Variants in SEC61A2 observed in about 807,000 individuals in gnomAD.
SEC61A2 encodes SEC61 translocon subunit alpha 2.
In SEC61A2, 28 loss-of-function variants were observed where a neutral mutation model predicts 59.9. The observed-to-expected ratio is 0.47, with a 90% confidence interval of 0.35 to 0.64. SEC61A2 has a LOEUF of 0.64. Among genes scored for constraint, SEC61A2 ranks in the 30% least tolerant of loss-of-function variants. SEC61A2 has a pLI of 0.01. For synonymous variants in SEC61A2, 202 were observed against 214.4 expected (o/e 0.94, Z 0.50); for missense variants, 340 against 585.9 (o/e 0.58, Z 4.33).
chr10:12,143,084 C>A lies in SEC61A2; in HGVS notation c.142-33C>A. The A allele has an allele frequency of 6.6e-7, 1 of 1,522,770 alleles. No homozygotes were observed. Among genetic ancestry groups the A allele is most frequent in the Non-Finnish European group, 9.1e-7 (1 of 1,097,080 alleles). 94.3% of individuals were successfully genotyped at this position (1,522,770 alleles called of 1,614,324 possible). ...TCTTATGCCTCAGCCTTATATAATA[C>A]AGTTTCATAAACTATTTTGTGTACT... On this transcript the variant is annotated intron_variant, in intron 3 of 11. Transcript: ENST00000298428. This position sits in a 1 kb window ranked among gnomAD's most constrained non-coding sequence, Gnocchi z 4.8.
intron 3 of SEC61A2, among the ~76,000 whole-genome samples, chr10:12,140,224 C>G (rs1833987230): frequency 6.6e-6 from 1 of 152,150 alleles, no homozygotes; most frequent in Non-Finnish European, 1.5e-5. Flanking sequence ...TAAATATCCT[C>G]TAAGGTCATT....
intron 2 of SEC61A2, among the ~76,000 whole-genome samples, chr10:12,135,731 G>T (rs968587532): frequency 6.6e-6 from 1 of 152,146 alleles, no homozygotes; most frequent in African/African-American, 2.4e-5. Context: ...TTCCACTTCT[G>T]AGTTGTTTCA....
At chr10:12,147,418 C>T (rs978736708) in intron 4 of SEC61A2, among the ~76,000 whole-genome samples, 2 of 152,174 alleles carry the variant, frequency 1.3e-5, no homozygotes, top group East Asian at 1.9e-4. Flanking sequence ...GGCACAGTGG[C>T]TCATGCCTGT....
At chr10:12,167,985 A>C, downstream of SEC61A2, 1 of 1,224,974 alleles carries the variant, frequency 8.2e-7, no homozygotes, top group Non-Finnish European at 1.1e-6. Flanking sequence ...TATAAAGGCA[A>C]GATTACATTC....
intron 3 of SEC61A2, among the ~76,000 whole-genome samples, chr10:12,140,547 G>C (rs1202192051): frequency 6.6e-6 from 1 of 152,200 alleles, no homozygotes; most frequent in Non-Finnish European, 1.5e-5. Flanking sequence ...CCCACAGAGC[G>C]CCTAACCATG....
chr10:12,157,893 C>T lies in SEC61A2; in HGVS notation c.778-15C>T, dbSNP rs770255996. On this transcript the variant is annotated splice_polypyrimidine_tract_variant and intron_variant, in intron 8 of 11. Coordinates refer to ENST00000298428, the MANE Select transcript of SEC61A2 (RefSeq NM_018144.4). The stretch of plus-strand genomic sequence containing the variant: ...GTGTCTGGCTCCCCCACTTACTCTC[C>T]GTTTCCTTTTTTAGGGATTTCGCGT... 14 of 1,613,226 alleles carry T rather than the reference C, an allele frequency of 8.7e-6. No individual in the cohort carries two copies. The highest frequency in any genetic ancestry group is 3.3e-4 in the Middle Eastern group (2 of 6,084).
intron 4 of SEC61A2, among the ~76,000 whole-genome samples, chr10:12,144,483 C>G (rs1834094490): frequency 6.6e-6 from 1 of 152,172 alleles, no homozygotes; most frequent in Non-Finnish European, 1.5e-5. Context: ...ATCATTCATT[C>G]AACAAATACT....
Position 12,149,555 on chromosome 10 carries a change from T to A in SEC61A2, c.221-40T>A. On this transcript the variant is annotated intron_variant, in intron 4 of 11. Coordinates refer to ENST00000298428, the MANE Select transcript of SEC61A2 (RefSeq NM_018144.4). This position sits in a 1 kb window ranked among gnomAD's most constrained non-coding sequence, Gnocchi z 5.2. ...CACCTCTAAATCAGTTTGTATCGTGTACAGCAAACATTGCACACTTCTCTC... is the reference window on the plus strand; with the variant it reads ...CACCTCTAAATCAGTTTGTATCGTGAACAGCAAACATTGCACACTTCTCTC... 1 of 1,562,034 alleles carries A rather than the reference T, an allele frequency of 6.4e-7. No homozygotes were observed.
chr10:12,167,961 TAAAGAATA>T (rs1471653739), downstream of SEC61A2: 1 of 1,358,032 alleles, frequency 7.4e-7, no homozygotes, highest in Non-Finnish European at 9.6e-7. Flanking sequence ...ATAAGGATCT[TAAAGAATA>T]AAGACTATAA....
chr10:12,169,512 G>A (rs1013644243), downstream of SEC61A2: 5 of 531,824 alleles, frequency 9.4e-6, no homozygotes, highest in East Asian at 9.5e-5. The surrounding 1 kb of genome is among the most constrained non-coding windows in gnomAD (Gnocchi z 4.8). Flanking sequence ...CTGTGACTCC[G>A]AGCTGCGCTG....
chr10:12,157,920 G>T lies in SEC61A2; in HGVS notation c.790G>T (p.Asp264Tyr). ...VVIYFQGFRV[D>Y]LPIKSARYRG... Reference sequence around the variant, plus strand: ...TTTCCTTTTTTAGGGATTTCGCGTTGATCTGCCCATTAAGTCGGCCCGTTA... The same window carrying T: ...TTTCCTTTTTTAGGGATTTCGCGTTTATCTGCCCATTAAGTCGGCCCGTTA... The change falls in exon 9 of 12, where the codon GAT (aspartate) becomes TAT (tyrosine). Residue 264 changes from aspartate (D) to tyrosine (Y), a missense_variant. Around this residue, in one of 3 missense-constraint regions of SEC61A2, gnomAD observed 283 missense variants for 483.2 expected, o/e 0.59. Transcript: ENST00000298428. 1 of 1,613,980 alleles carries T rather than the reference G, an allele frequency of 6.2e-7. No individual in the cohort carries two copies. The highest frequency in any genetic ancestry group is 8.5e-7 in the Non-Finnish European group (1 of 1,180,016).
At position 12,158,891 on chromosome 10, in the gene SEC61A2, A is replaced by G. The variant is rs560705087; in HGVS notation, c.975+786A>G. Among the ~76,000 whole-genome samples, 4 of 152,256 alleles carry G rather than the reference A, an allele frequency of 2.6e-5. No homozygotes were observed. In the South Asian group the frequency reaches 8.3e-4, roughly 32 times the overall value. Reference sequence around the variant, plus strand: ...GTGATGAGCTGGGCTAGAGATAGGCATGCTATTAACTAGACGGTAGAGACA... The same window carrying G: ...GTGATGAGCTGGGCTAGAGATAGGCGTGCTATTAACTAGACGGTAGAGACA... On this transcript the variant is annotated intron_variant, in intron 9 of 11. Transcript: ENST00000298428. The surrounding 1 kb of genome is among the most constrained non-coding windows in gnomAD (Gnocchi z 5.7).
intron 11 of SEC61A2, among the ~76,000 whole-genome samples, chr10:12,163,270 A>C (rs1003694105): frequency 6.9e-5 from 10 of 145,786 alleles, no homozygotes; most frequent in African/African-American, 2.5e-4. Flanking sequence ...CAACCTCCAG[A>C]GTAGCTTGGG....
In SEC61A2 at chr10:12,164,769, C is replaced by G; in HGVS notation, c.*315C>G. 9.1e-7 allele frequency: 1 copy of G among 1,095,974 alleles called. No individual in the cohort carries two copies. Among genetic ancestry groups the G allele is most frequent in the Non-Finnish European group, 1.1e-6 (1 of 901,382 alleles). 67.9% of individuals were successfully genotyped at this position (1,095,974 alleles called of 1,614,324 possible). A position where few individuals can be genotyped will look rare whatever the true frequency, so the allele number is the denominator to read the frequency against. ...TGAGATGGATTCGTTTTGCACACAA[C>G]ATTCAAAACACTTCATATTGCCCCC... On this transcript the variant is annotated 3_prime_UTR_variant, in exon 12 of 12. Transcript: ENST00000298428. This position sits in a 1 kb window ranked among gnomAD's most constrained non-coding sequence, Gnocchi z 7.3.
chr10:12,162,239 G>A lies in SEC61A2; in HGVS notation c.1194G>A (p.Gln398=). 2 of 1,611,872 alleles carry A rather than the reference G, an allele frequency of 1.2e-6. No individual in the cohort carries two copies. The highest frequency in any genetic ancestry group is 8.5e-7 in the Non-Finnish European group (1 of 1,179,172). The change falls in exon 11 of 12, where the codon CAG becomes CAA. Residue 398 remains glutamine (Q), a synonymous_variant. Transcript: ENST00000298428. The surrounding 1 kb of genome is among the most constrained non-coding windows in gnomAD (Gnocchi z 6.1). ...TAGCTAAACAGCTGAAAGAACAGCA[G>A]ATGGTAATGAGGGGCCACCGAGATA... ...KDVAKQLKEQ[Q]MVMRGHRDTS...
rs1044730349 is a variant in SEC61A2 at position 12,143,955 on chromosome 10, C to CT, written c.220+761dup. 2.0e-5 allele frequency among the ~76,000 whole-genome samples: 3 copies of CT among 152,158 alleles called. No individual in the cohort carries two copies. The highest frequency in any genetic ancestry group is 2.9e-5 in the Non-Finnish European group (2 of 68,026). ...CAGGCGATCCTCCCACTTCAGCCTC[C>CT]TGAGTAGCTGGGACTACTGGTGCGT... On this transcript the variant is annotated intron_variant, in intron 4 of 11. Coordinates refer to ENST00000298428, the MANE Select transcript of SEC61A2 (RefSeq NM_018144.4). This position sits in a 1 kb window ranked among gnomAD's most constrained non-coding sequence, Gnocchi z 4.8.
chr10:12,156,827 G>T lies in SEC61A2; in HGVS notation c.617-80G>T. 1.4e-6 allele frequency: 2 copies of T among 1,430,806 alleles called. No individual in the cohort carries two copies. Among genetic ancestry groups the T allele is most frequent in the African/African-American group, 2.9e-5 (2 of 69,320 alleles). The allele number at this position is 1,430,806 out of a possible 1,614,324, so 88.6% of individuals were successfully genotyped here. ...GACCCATATTTTCTGCTGTATACTG[G>T]ACTTTCACGGTTAGTTGTTTGAGCT... On this transcript the variant is annotated intron_variant, in intron 7 of 11. Transcript: ENST00000298428. This position sits in a 1 kb window ranked among gnomAD's most constrained non-coding sequence, Gnocchi z 5.2.
chr10:12,163,289 T>A (rs1160492490), intron 11 of SEC61A2, among the ~76,000 whole-genome samples: 2 of 145,796 alleles, frequency 1.4e-5, no homozygotes, highest in Non-Finnish European at 3.0e-5. Flanking sequence ...GGACCACAGG[T>A]GTGTGCCACC....
rs1316855149 is a variant in SEC61A2, at chr10:12,156,896, T to C, written c.617-11T>C. 6.2e-7 allele frequency: 1 copy of C among 1,613,048 alleles called. No individual in the cohort carries two copies. The highest frequency in any genetic ancestry group is 1.7e-5 in the Admixed American group (1 of 59,608). On this transcript the variant is annotated splice_polypyrimidine_tract_variant and intron_variant, in intron 7 of 11. Transcript: ENST00000298428. This position sits in a 1 kb window ranked among gnomAD's most constrained non-coding sequence, Gnocchi z 5.2. ...ATGAGTCCACAGGTCGTGTCTGTCT[T>C]GATTTTACAGGTACTGAGTTTGAGG...
Sources: allele counts gnomAD v4.1 joint callset (sites outside exome capture counted in the v4.1 genomes callset), GRCh38; gene constraint gnomAD v4.1.1; regional missense constraint gnomAD v4.1.1; non-coding constraint Gnocchi (gnomAD v3.1); transcripts MANE v1.5; gene names NCBI Gene and HGNC (gene_info 2026-07-23, HGNC 2026-07-21).